Variants in TNIK observed in about 807,000 individuals in gnomAD.
TNIK encodes TRAF2 and NCK-interacting protein kinase.
TNIK carries 49 observed loss-of-function variants against 191.3 expected under a neutral mutation model. The observed-to-expected ratio is 0.26, with a 90% confidence interval of 0.20 to 0.32. TNIK has a LOEUF of 0.32. Ranked by LOEUF, TNIK falls within the 10% of genes least tolerant of loss-of-function variation. The probability of loss-of-function intolerance (pLI) is 1.00; values close to 1 mark genes in which losing one functional copy is unlikely to be tolerated. For missense variants in TNIK, 1,155 were observed against 1,702.3 expected, an observed-to-expected ratio of 0.68 and a Z score of 5.66; for synonymous variants, 594 against 600.9, an observed-to-expected ratio of 0.99 and a Z score of 0.17.
chr3:171,196,594 A>G (rs1738701374), intron 4 of TNIK, among the ~76,000 whole-genome samples: 1 of 152,212 alleles, frequency 6.6e-6, no homozygotes, highest in Non-Finnish European at 1.5e-5. Context: ...AGGGAGAAAA[A>G]AAGAGACGCA....
chr3:171,190,741 T>G lies in TNIK; in HGVS notation c.464A>C (p.Lys155Thr). 1 of 1,597,804 alleles carries G rather than the reference T, an allele frequency of 6.3e-7. No homozygotes were observed. The highest frequency in any genetic ancestry group is 8.5e-7 in the Non-Finnish European group (1 of 1,171,148). The stretch of plus-strand genomic sequence containing the variant: ...TTCAGTCAGCAAGACATTTTGCCCT[T>G]TAATATCTCGATGAATCACTTTATG... ...HQHKVIHRDIKGQNVLLTENA... is the reference protein window; with the variant it reads ...HQHKVIHRDITGQNVLLTENA... Residue 155 changes from lysine to threonine, a missense_variant, in exon 6 of 33, where the codon AAA (lysine) becomes ACA (threonine). By Grantham distance (78) the Lys-to-Thr change is moderately conservative. This residue lies in a region of TNIK where 225 missense variants were observed against 438.9 expected (regional missense o/e 0.51). Transcript: ENST00000436636.
chr3:171,302,673 A>G (rs1346008565), intron 2 of TNIK, among the ~76,000 whole-genome samples: 1 of 152,258 alleles, frequency 6.6e-6, no homozygotes, highest in Non-Finnish European at 1.5e-5. Context: ...AATTCATTAT[A>G]TGTTTTAAAG....
At chr3:171,287,220 A>C (rs1751106704) in intron 2 of TNIK, among the ~76,000 whole-genome samples, 1 of 152,222 alleles carries the variant, frequency 6.6e-6, no homozygotes, top group Non-Finnish European at 1.5e-5. Context: ...ACAACAAAAA[A>C]AACCCTCAAA....
intron 10 of TNIK, among the ~76,000 whole-genome samples, chr3:171,162,298 C>T (rs1490015555): frequency 6.6e-6 from 1 of 151,978 alleles, no homozygotes; most frequent in Non-Finnish European, 1.5e-5. Context: ...GTTACAGGCA[C>T]CGGTAGTCCC....
chr3:171,427,957 G>T (rs963509500), intron 1 of TNIK, among the ~76,000 whole-genome samples: 5 of 152,182 alleles, frequency 3.3e-5, no homozygotes, highest in African/African-American at 1.2e-4. Flanking sequence ...CTCCTGGAGG[G>T]CTTGAGCTTG....
chr3:171,142,951 T>G (rs1560174384), intron 12 of TNIK, among the ~76,000 whole-genome samples: 1 of 152,254 alleles, frequency 6.6e-6, no homozygotes, highest in African/African-American at 2.4e-5. Context: ...TTTGTACATT[T>G]TGAACCCCTT....
chr3:171,449,219 G>A (rs546126799), intron 1 of TNIK, among the ~76,000 whole-genome samples: 1 of 152,016 alleles, frequency 6.6e-6, no homozygotes, highest in Non-Finnish European at 1.5e-5. Flanking sequence ...ACATACATGT[G>A]CATGTGCCTT....
intron 1 of TNIK, among the ~76,000 whole-genome samples, chr3:171,402,962 T>C (rs1045931677): frequency 6.6e-6 from 1 of 152,214 alleles, no homozygotes; most frequent in Non-Finnish European, 1.5e-5. Flanking sequence ...CATAAAGACA[T>C]GCTCAGATAT....
chr3:171,205,431 G>A (rs1045546347), intron 4 of TNIK, among the ~76,000 whole-genome samples: 1 of 152,102 alleles, frequency 6.6e-6, no homozygotes, highest in Non-Finnish European at 1.5e-5. Context: ...CTTCAAACCT[G>A]GCAGAATGTA....
At chr3:171,289,901 CA>C (rs143704401) in intron 2 of TNIK, among the ~76,000 whole-genome samples, 4,956 of 77,852 alleles carry the variant, frequency 0.064, 68 homozygotes, top group Middle Eastern at 0.1. Flanking sequence ...GACTCCGTCT[CA>C]AAAAAAAAAA....
At chr3:171,377,250 C>T (rs768057122) in intron 1 of TNIK, among the ~76,000 whole-genome samples, 1 of 152,208 alleles carries the variant, frequency 6.6e-6, no homozygotes, top group Non-Finnish European at 1.5e-5. Context: ...ATACTGGTAG[C>T]TTCCAGTTTG....
chr3:171,160,304 T>C (rs931968262), intron 11 of TNIK, among the ~76,000 whole-genome samples: 2 of 152,042 alleles, frequency 1.3e-5, no homozygotes, highest in African/African-American at 4.8e-5. Flanking sequence ...TCCAGCTCAG[T>C]AGGTCTGAGT....
At chr3:171,130,838 A>T (rs1247710142) in intron 15 of TNIK, among the ~76,000 whole-genome samples, 1 of 152,200 alleles carries the variant, frequency 6.6e-6, no homozygotes, top group Non-Finnish European at 1.5e-5. Flanking sequence ...CAGAGTGAGG[A>T]ATACTTGTAA....
chr3:171,203,841 G>C (rs1030260109), intron 4 of TNIK, among the ~76,000 whole-genome samples: 3 of 152,180 alleles, frequency 2.0e-5, no homozygotes, highest in Non-Finnish European at 4.4e-5. Flanking sequence ...TCTTGGCTCT[G>C]CAAGTGTACC....
At chr3:171,445,546 C>A (rs1171529438) in intron 1 of TNIK, among the ~76,000 whole-genome samples, 4 of 152,064 alleles carry the variant, frequency 2.6e-5, no homozygotes, top group Admixed American at 2.0e-4. Context: ...TTTAGAAAAT[C>A]ACAACATGCA....
At chr3:171,222,088 TG>T (rs1742413111) in intron 3 of TNIK, among the ~76,000 whole-genome samples, 1 of 152,120 alleles carries the variant, frequency 6.6e-6, no homozygotes, top group Non-Finnish European at 1.5e-5. Context: ...ATAAGAAAAC[TG>T]TGGCTCAGAA....
At chr3:171,234,847 G>A (rs910863158) in intron 2 of TNIK, among the ~76,000 whole-genome samples, 7 of 152,154 alleles carry the variant, frequency 4.6e-5, no homozygotes, top group African/African-American at 7.2e-5. Context: ...GAGGGGTGAC[G>A]AGAACTCAAA....
At chr3:171,277,197 G>A (rs1749854331) in intron 2 of TNIK, among the ~76,000 whole-genome samples, 1 of 152,168 alleles carries the variant, frequency 6.6e-6, no homozygotes, top group African/African-American at 2.4e-5. Context: ...GCCCTTATGA[G>A]ATAGAGCCCC....
Position 171,450,933 on chromosome 3 carries a change from G to T in TNIK, c.57+9074C>A, listed in dbSNP as rs567246753. ...GACAGCCAGATTTTTAAAAAATTCA[G>T]ATAGTCACGACTGCCTTAAAGATAA... is the stretch of plus-strand genomic sequence containing the variant. On this transcript the variant is annotated intron_variant, in intron 1 of 32. Transcript: ENST00000436636. Among the ~76,000 whole-genome samples, 114 of 152,306 alleles carry T rather than the reference G, an allele frequency of 7.5e-4. 2 individuals are homozygous for T. The highest frequency in any genetic ancestry group is 2.6e-3 in the African/African-American group (109 of 41,554).
Sources: gnomAD v4.1 joint callset for allele counts (sites outside exome capture counted in the v4.1 genomes callset) on GRCh38, gnomAD v4.1.1 for gene constraint, gnomAD v4.1.1 regional missense constraint, MANE v1.5 for transcripts, NCBI Gene and HGNC (gene_info 2026-07-23, HGNC 2026-07-21) for gene names.